The following DDX46 variants were observed in gnomAD, a reference collection of about 807,000 sequenced individuals.
DDX46 encodes the protein DEAD-box helicase 46.
In DDX46, 30 loss-of-function variants were observed where a neutral mutation model predicts 134.9. That is an observed-to-expected ratio of 0.22 (90% CI 0.17 to 0.30). The LOEUF is 0.30. Among genes scored for constraint, DDX46 ranks in the 10% least tolerant of loss-of-function variants. The pLI is 1.00. For missense variants in DDX46, 622 were observed against 1,248.7 expected, an observed-to-expected ratio of 0.50 and a Z score of 7.56; for synonymous variants, 415 against 404.1, an observed-to-expected ratio of 1.03 and a Z score of -0.32.
Position 134,790,570 on chromosome 5 carries a change from T to G in DDX46, c.1626+18T>G, listed in dbSNP as rs1246756058. On this transcript the variant is annotated intron_variant, in intron 13 of 22. Coordinates refer to ENST00000452510, the MANE Select transcript of DDX46 (RefSeq NM_001300860.2). ...AACCCCAGGTAATCATTAAATTTCT[T>G]AAGTGTTTTGAAATGTAAATATAAC... The G allele has an allele frequency of 6.3e-7, 1 of 1,596,050 alleles. No homozygotes were observed. Among genetic ancestry groups the G allele is most frequent in the African/African-American group, 1.3e-5 (1 of 74,234 alleles).
intron 13 of DDX46, among the ~76,000 whole-genome samples, 199 bp downstream of exon 13, chr5:134,790,751 A>G (rs1461846037): frequency 6.6e-6 from 1 of 152,226 alleles, no homozygotes; most frequent in African/African-American, 2.4e-5. Context: ...GGAGGTATTT[A>G]TACCGGCATT....
At chr5:134,811,393 C>A in intron 17 of DDX46, 35 bp downstream of exon 17, 1 of 1,599,384 alleles carries the variant, frequency 6.3e-7, no homozygotes, top group East Asian at 2.2e-5. Flanking sequence ...TTCTAGAAAT[C>A]ATTAATGTGA....
intron 6 of DDX46, chr5:134,780,672 A>G (rs1437675131): frequency 6.6e-6 from 1 of 151,478 alleles, no homozygotes; most frequent in Non-Finnish European, 1.5e-5. Flanking sequence ...AAATATAATT[A>G]TATTATGCTT....
intron 6 of DDX46, 104 bp downstream of exon 6, chr5:134,777,829 TTTC>T: frequency 7.3e-7 from 1 of 1,364,670 alleles, no homozygotes. Context: ...AGCTAACAGT[TTTC>T]TTTCTCCTCA....
intron 6 of DDX46, among the ~76,000 whole-genome samples, chr5:134,779,538 CTCG>C (rs1309872069): frequency 2.1e-4 from 32 of 152,066 alleles, no homozygotes; most frequent in African/African-American, 7.0e-4. Flanking sequence ...GAGACAGGGT[CTCG>C]CTGTGTTACC....
At chr5:134,818,824 T>C (rs376382460) in intron 20 of DDX46, 36 bp from the exon 21 acceptor site, 2 of 1,594,856 alleles carry the variant, frequency 1.3e-6, no homozygotes, top group South Asian at 1.1e-5. Context: ...TGTCCTGTTA[T>C]GAAGTGATTT....
Position 134,829,241 on chromosome 5 carries a change from G to C in DDX46, c.*535G>C, listed in dbSNP as rs918308166. The C allele has an allele frequency of 1.1e-4, 16 of 152,030 alleles. No homozygotes were observed. The highest frequency in any genetic ancestry group is 3.9e-4 in the African/African-American group (16 of 41,390). 9.4% of individuals were successfully genotyped at this position (152,030 alleles called of 1,614,324 possible). ...TGTTTCAATTTTTATCATCATAAATGGGCAAAAAGTAGTTGGACTAATTTC... is the reference window on the plus strand; with the variant it reads ...TGTTTCAATTTTTATCATCATAAATCGGCAAAAAGTAGTTGGACTAATTTC... On this transcript the variant is annotated 3_prime_UTR_variant, in exon 23 of 23. Coordinates refer to ENST00000452510, the MANE Select transcript of DDX46 (RefSeq NM_001300860.2).
intron 15 of DDX46, among the ~76,000 whole-genome samples, chr5:134,805,464 C>A (rs1323328469): frequency 1.3e-5 from 2 of 151,926 alleles, no homozygotes; most frequent in East Asian, 3.9e-4. Flanking sequence ...CCGCTTCTGG[C>A]TGAGGAACTG....
chr5:134,778,688 C>G (rs2150138363), intron 6 of DDX46, among the ~76,000 whole-genome samples: 1 of 152,228 alleles, frequency 6.6e-6, no homozygotes, highest in African/African-American at 2.4e-5. Context: ...ATTCTCCTGC[C>G]TCAGCCTCCC....
chr5:134,765,205 A>C (rs955736546), intron 2 of DDX46, among the ~76,000 whole-genome samples: 14 of 151,204 alleles, frequency 9.3e-5, no homozygotes, highest in African/African-American at 2.7e-4. Flanking sequence ...AGTAACTGGG[A>C]TTACAGGCAT....
At chr5:134,821,886 G>T (rs1052787684) in intron 21 of DDX46, among the ~76,000 whole-genome samples, 3 of 144,942 alleles carry the variant, frequency 2.1e-5, no homozygotes, top group East Asian at 2.0e-4. Flanking sequence ...GTATTTTTAG[G>T]TTTTTTTTTG....
intron 1 of DDX46, among the ~76,000 whole-genome samples, chr5:134,761,480 T>C (rs1753384457): frequency 6.6e-6 from 1 of 152,226 alleles, no homozygotes; most frequent in South Asian, 2.1e-4. Context: ...TTGAGGTGCT[T>C]GAGAGATAAT....
chr5:134,769,455 T>C (rs1271372223), intron 3 of DDX46, among the ~76,000 whole-genome samples: 1 of 150,508 alleles, frequency 6.6e-6, no homozygotes, highest in Non-Finnish European at 1.5e-5. Context: ...CTCAGCCTCC[T>C]GAATAGCTGA....
rs530164485 is a variant in DDX46, at chr5:134,762,221, A to G, written c.18-1683A>G. Among the ~76,000 whole-genome samples, 5 of 147,798 alleles carry G rather than the reference A, an allele frequency of 3.4e-5. No individual in the cohort carries two copies. In the East Asian group the frequency reaches 8.1e-4, roughly 24 times the overall value. ...AGGCCGGGAGGTTAAGACAATCCTGAGCAACATAGTGAGACACCATCTCTA... is the reference window on the plus strand; with the variant it reads ...AGGCCGGGAGGTTAAGACAATCCTGGGCAACATAGTGAGACACCATCTCTA... On this transcript the variant is annotated intron_variant, in intron 1 of 22. Coordinates refer to ENST00000452510, the MANE Select transcript of DDX46 (RefSeq NM_001300860.2).
chr5:134,810,593 C>G (rs999383585), intron 16 of DDX46, among the ~76,000 whole-genome samples: 1 of 151,912 alleles, frequency 6.6e-6, no homozygotes, highest in Non-Finnish European at 1.5e-5. Flanking sequence ...TCCACCCCCC[C>G]TTGGCCTCCC....
intron 20 of DDX46, among the ~76,000 whole-genome samples, chr5:134,818,659 A>C (rs908550291): frequency 2.0e-5 from 3 of 151,066 alleles, no homozygotes; most frequent in Admixed American, 2.0e-4. Context: ...CCAAGATTGC[A>C]CCATTGTATT....
intron 7 of DDX46, 41 bp from the exon 8 acceptor site, chr5:134,781,880 G>C (rs183970089): frequency 2.6e-6 from 4 of 1,566,080 alleles, no homozygotes. Context: ...GGGGAAAATA[G>C]TAATGAACTT....
In DDX46 at chr5:134,760,252, G is replaced by A. The variant is rs948325580; in HGVS notation, c.17+1297G>A. On this transcript the variant is annotated intron_variant, in intron 1 of 22. Coordinates refer to ENST00000452510, the MANE Select transcript of DDX46 (RefSeq NM_001300860.2). The stretch of plus-strand genomic sequence containing the variant: ...TTCACAAGAAGGTCCATTCTAGCCC[G>A]TCAGCCTTCTCCTTTACCTCTCTGG... Among the ~76,000 whole-genome samples, 5 of 152,120 alleles carry A rather than the reference G, an allele frequency of 3.3e-5. No individual in the cohort carries two copies. The East Asian group carries it at 5.8e-4, about 18-fold the overall frequency.
At chr5:134,810,267 A>C (rs991871845) in intron 16 of DDX46, among the ~76,000 whole-genome samples, 9 of 151,804 alleles carry the variant, frequency 5.9e-5, no homozygotes, top group African/African-American at 2.2e-4. Flanking sequence ...ATCTCAAAAA[A>C]AAAAAGGAAA....
Sources: gnomAD v4.1 joint callset for allele counts (sites outside exome capture counted in the v4.1 genomes callset) on GRCh38, gnomAD v4.1.1 for gene constraint, MANE v1.5 for transcripts, NCBI Gene and HGNC (gene_info 2026-07-23, HGNC 2026-07-21) for gene names.